APBB1IP: variants seen among roughly 807,000 people sequenced by gnomAD.
APBB1IP encodes amyloid beta precursor protein binding family B member 1 interacting protein.
Under a neutral mutation model 64.9 loss-of-function variants are expected in APBB1IP, and 27 were observed. The ratio of observed to expected loss-of-function variants is 0.42; its 90% confidence interval spans 0.31 to 0.57. The LOEUF (loss-of-function observed/expected upper bound fraction) is 0.57. Among genes scored for constraint, APBB1IP ranks in the 20% least tolerant of loss-of-function variants. The pLI is 0.20. For synonymous variants in APBB1IP, 392 were observed against 331.0 expected, an observed-to-expected ratio of 1.18 and a Z score of -2.00; for missense variants, 812 against 845.5, an observed-to-expected ratio of 0.96 and a Z score of 0.49.
intron 2 of APBB1IP, among the ~76,000 whole-genome samples, chr10:26,481,521 G>T (rs1367208871): frequency 6.6e-6 from 1 of 151,972 alleles, no homozygotes; most frequent in Non-Finnish European, 1.5e-5. Context: ...GTCACACTTT[G>T]TCACTCAGGC....
intron 9 of APBB1IP, 151 bp downstream of exon 9, chr10:26,533,676 A>G (rs1836582729): frequency 2.1e-6 from 1 of 469,014 alleles, no homozygotes; most frequent in Admixed American, 4.3e-5. Flanking sequence ...AATTATAGCT[A>G]TTTAGATAAT....
intron 9 of APBB1IP, among the ~76,000 whole-genome samples, chr10:26,535,426 C>T (rs2132464807): frequency 6.6e-6 from 1 of 152,166 alleles, no homozygotes; most frequent in South Asian, 2.1e-4. Flanking sequence ...GGGTATCCAT[C>T]CTCTCAAGCA....
At chr10:26,494,026 C>A (rs951285136) in intron 3 of APBB1IP, among the ~76,000 whole-genome samples, 1 of 151,842 alleles carries the variant, frequency 6.6e-6, no homozygotes, top group Non-Finnish European at 1.5e-5. Flanking sequence ...TTTATAGAGA[C>A]GAGATCTCAC....
At chr10:26,504,925 T>G (rs945379467) in intron 6 of APBB1IP, among the ~76,000 whole-genome samples, 2 of 152,020 alleles carry the variant, frequency 1.3e-5, no homozygotes, top group Non-Finnish European at 1.5e-5. Context: ...GGCTGATTTA[T>G]TTTTATTTTT....
At chr10:26,501,232 C>G (rs1836095826) in intron 5 of APBB1IP, 121 bp downstream of exon 5, 2 of 1,434,004 alleles carry the variant, frequency 1.4e-6, no homozygotes, top group Non-Finnish European at 1.9e-6. Context: ...TACTAAAAAA[C>G]AAAGATACAG....
At chr10:26,452,060 A>C (rs556906594) in intron 2 of APBB1IP, among the ~76,000 whole-genome samples, 18 of 152,204 alleles carry the variant, frequency 1.2e-4, no homozygotes, top group Non-Finnish European at 1.9e-4. Context: ...TGAGACATCA[A>C]ATTTACCAAT....
At chr10:26,562,539 C>T (rs1836987048) in intron 14 of APBB1IP, 110 bp downstream of exon 14, 1 of 858,124 alleles carries the variant, frequency 1.2e-6, no homozygotes, top group Non-Finnish European at 1.8e-6. Flanking sequence ...GTAGCTCACA[C>T]CTGTAATCCC....
In APBB1IP at chr10:26,566,961, G is replaced by A; in HGVS notation, c.1474G>A (p.Asp492Asn). The change falls in exon 15 of 15, where the codon GAT becomes AAT. Residue 492 changes from aspartate (D) to asparagine (N), a missense_variant and splice_region_variant. Asp to Asn is a conservative substitution (Grantham distance 23). This residue lies in a region of APBB1IP where 381 missense variants were observed against 352.1 expected (regional missense o/e 1.08). Coordinates refer to ENST00000376236, the MANE Select transcript of APBB1IP (RefSeq NM_019043.4). ...GAATGCTACTGCCACTCGGTTGCAG[G>A]ATAAGAAGCCAGCCCTCGGGAACCA... Reference protein sequence around the residue: ...EAQRHAETSKDKKPALGNHHD... With the variant: ...EAQRHAETSKNKKPALGNHHD... 6.4e-7 allele frequency: 1 copy of A among 1,573,548 alleles called. No homozygotes were observed. The highest frequency in any genetic ancestry group is 1.1e-5 in the South Asian group (1 of 89,394).
At chr10:26,507,527 A>G (rs990071002) in intron 6 of APBB1IP, among the ~76,000 whole-genome samples, 4 of 152,170 alleles carry the variant, frequency 2.6e-5, no homozygotes, top group Non-Finnish European at 5.9e-5. Flanking sequence ...CATACTGGCT[A>G]CTTTGTAGAA....
In APBB1IP at chr10:26,438,463, G is replaced by GAGATAACAGAGGA; in HGVS notation, c.-203+10_-203+11insATAACAGAGGAAG. 1 of 151,228 alleles carries GAGATAACAGAGGA rather than the reference G, an allele frequency of 6.6e-6. No individual in the cohort carries two copies. Among genetic ancestry groups the GAGATAACAGAGGA allele is most frequent in the Non-Finnish European group, 1.5e-5 (1 of 67,790 alleles). 9.4% of individuals were successfully genotyped at this position (151,228 alleles called of 1,614,324 possible). A position where few individuals can be genotyped will look rare whatever the true frequency, so the allele number is the denominator to read the frequency against. On this transcript the variant is annotated intron_variant, in intron 1 of 14. Coordinates refer to ENST00000376236, the MANE Select transcript of APBB1IP (RefSeq NM_019043.4). ...AGGGCGCGCGCGGCACAGGTAGGGG[G>GAGATAACAGAGGA]AGGCGCAACGTTTCCCAGAATTAAA...
intron 11 of APBB1IP, among the ~76,000 whole-genome samples, chr10:26,558,777 A>T (rs1440169893): frequency 2.0e-5 from 3 of 152,168 alleles, no homozygotes; most frequent in Non-Finnish European, 2.9e-5. Flanking sequence ...ACCCTGTCTT[A>T]AAAAATAATA....
intron 4 of APBB1IP, among the ~76,000 whole-genome samples, chr10:26,497,445 G>T (rs1261351889): frequency 6.6e-6 from 1 of 151,616 alleles, no homozygotes; most frequent in African/African-American, 2.4e-5. Context: ...CAGGTACCTG[G>T]GAGGCTGAGG....
Position 26,560,166 on chromosome 10 carries a change from C to A in APBB1IP, c.1217C>A (p.Thr406Asn). The change falls in exon 12 of 15, where the codon ACC becomes AAC. Residue 406 changes from threonine (T) to asparagine (N), a missense_variant. Thr to Asn is a moderately conservative substitution (Grantham distance 65, BLOSUM62 0). Coordinates refer to ENST00000376236, the MANE Select transcript of APBB1IP (RefSeq NM_019043.4). ...TATCTCTGCTGTGATGACACAAGAA[C>A]CCTTAACCAGTGGGTCATGGGAATA... is the stretch of plus-strand genomic sequence containing the variant. ...IKYLCCDDTR[T>N]LNQWVMGIRI... 6.2e-7 allele frequency: 1 copy of A among 1,614,146 alleles called. No individual in the cohort carries two copies. The highest frequency in any genetic ancestry group is 8.5e-7 in the Non-Finnish European group (1 of 1,180,034).
At chr10:26,505,093 C>G (rs961752315) in intron 6 of APBB1IP, among the ~76,000 whole-genome samples, 1 of 152,174 alleles carries the variant, frequency 6.6e-6, no homozygotes, top group Non-Finnish European at 1.5e-5. Context: ...AATAACATCT[C>G]TGAGACTCAT....
In APBB1IP at chr10:26,533,528, A is replaced by G. The variant is rs1001679984; in HGVS notation, c.900+3A>G. On this transcript the variant is annotated splice_donor_region_variant and intron_variant, in intron 9 of 14. Coordinates refer to ENST00000376236, the MANE Select transcript of APBB1IP (RefSeq NM_019043.4). Reference sequence around the variant, plus strand: ...AGAACAAGGAATCCTTACTTGAGGTAAGGTTAATTTTGCAGAGTGGAAGAA... The same window carrying G: ...AGAACAAGGAATCCTTACTTGAGGTGAGGTTAATTTTGCAGAGTGGAAGAA... 16 of 1,588,554 alleles carry G rather than the reference A, an allele frequency of 1.0e-5. No individual in the cohort carries two copies. The highest frequency in any genetic ancestry group is 3.6e-4 in the Middle Eastern group (2 of 5,584).
At chr10:26,542,995 C>A (rs947504414) in intron 11 of APBB1IP, among the ~76,000 whole-genome samples, 1 of 147,292 alleles carries the variant, frequency 6.8e-6, no homozygotes, top group African/African-American at 2.5e-5. Context: ...TGCTAAATAC[C>A]TTGCAGTGCA....
At chr10:26,542,307 C>G (rs1836706771) in intron 11 of APBB1IP, among the ~76,000 whole-genome samples, 1 of 152,112 alleles carries the variant, frequency 6.6e-6, no homozygotes, top group Non-Finnish European at 1.5e-5. Context: ...GAGGTGTGCA[C>G]CACCACACCA....
intron 11 of APBB1IP, among the ~76,000 whole-genome samples, chr10:26,559,489 A>C (rs1310869285): frequency 3.3e-5 from 5 of 151,960 alleles, no homozygotes; most frequent in African/African-American, 1.2e-4. Flanking sequence ...AGGAGGGAGG[A>C]TCTCTTGAGC....
chr10:26,548,808 C>T (rs1254070884), intron 11 of APBB1IP, among the ~76,000 whole-genome samples: 2 of 152,146 alleles, frequency 1.3e-5, no homozygotes, highest in Admixed American at 6.5e-5. Context: ...TTGACTTCCT[C>T]CTTTCCAATT....
Sources: allele counts gnomAD v4.1 joint callset (sites outside exome capture counted in the v4.1 genomes callset), GRCh38; gene constraint gnomAD v4.1.1; regional missense constraint gnomAD v4.1.1; transcripts MANE v1.5; gene names NCBI Gene and HGNC (gene_info 2026-07-23, HGNC 2026-07-21).